Variants in LYPLAL1 observed in about 807,000 individuals in gnomAD.
The protein encoded by LYPLAL1 is lysophospholipase-like protein 1.
Under a neutral mutation model 19.7 loss-of-function variants are expected in LYPLAL1, and 23 were observed. The observed-to-expected ratio is 1.17, with a 90% CI of 0.84 to 1.65. The LOEUF is 1.65. Ranked by LOEUF, LYPLAL1 falls within the 40% of genes most tolerant of loss-of-function variation. The pLI is 0.00. For missense variants in LYPLAL1, 355 were observed against 279.4 expected (o/e 1.27, Z -1.93); for synonymous variants, 119 against 96.3 (o/e 1.24, Z -1.38).
chr1:219,259,482 C>T, the LYPLAL1 span, among the ~76,000 whole-genome samples: 14 of 150,412 alleles, frequency 9.3e-5, no homozygotes, highest in Non-Finnish European at 1.9e-4. Flanking sequence ...GAGATAATGG[C>T]ATTTAGGCAA....
At chr1:219,419,548 A>AACACAC in the LYPLAL1 span, among the ~76,000 whole-genome samples, 487 of 97,800 alleles carry the variant, frequency 5.0e-3, 12 homozygotes, top group African/African-American at 0.014. Flanking sequence ...GCCCTAGCCC[A>AACACAC]ACACACACAC....
chr1:219,233,494 A>C, the LYPLAL1 span, among the ~76,000 whole-genome samples: 2 of 152,218 alleles, frequency 1.3e-5, no homozygotes, highest in Admixed American at 6.5e-5. Context: ...TTGGCCAAGC[A>C]TGCTGGCTCA....
At chr1:219,229,360 G>T in the LYPLAL1 span, among the ~76,000 whole-genome samples, 1 of 149,314 alleles carries the variant, frequency 6.7e-6, no homozygotes, top group African/African-American at 2.5e-5. Context: ...CCGAACAGCA[G>T]AACCACGCAG....
chr1:219,188,307 G>A (rs1656883672), intron 2 of LYPLAL1, among the ~76,000 whole-genome samples: 1 of 151,830 alleles, frequency 6.6e-6, no homozygotes, highest in Non-Finnish European at 1.5e-5. Context: ...ATATGTGTGT[G>A]TTGCAGGGTA....
chr1:219,336,456 A>G, the LYPLAL1 span, among the ~76,000 whole-genome samples: 1 of 151,904 alleles, frequency 6.6e-6, no homozygotes, highest in Non-Finnish European at 1.5e-5. Context: ...TTAAGACAGT[A>G]CCTGGGATAT....
At chr1:219,249,348 GT>G in the LYPLAL1 span, among the ~76,000 whole-genome samples, 1 of 151,972 alleles carries the variant, frequency 6.6e-6, no homozygotes, top group African/African-American at 2.4e-5. Context: ...TCAACATTAT[GT>G]TTAAAGATTC....
chr1:219,239,516 T>G, the LYPLAL1 span, among the ~76,000 whole-genome samples: 3 of 152,342 alleles, frequency 2.0e-5, no homozygotes, highest in African/African-American at 7.2e-5. Context: ...TATCGGGATA[T>G]AGAGAAAAAT....
chr1:219,321,012 C>A, the LYPLAL1 span, among the ~76,000 whole-genome samples: 1 of 152,158 alleles, frequency 6.6e-6, no homozygotes, highest in East Asian at 1.9e-4. Context: ...TGAAGAATCA[C>A]CACACTGTCT....
chr1:219,335,900 C>T, the LYPLAL1 span, among the ~76,000 whole-genome samples: 1 of 151,424 alleles, frequency 6.6e-6, no homozygotes, highest in African/African-American at 2.4e-5. Flanking sequence ...TGAGCAGGGG[C>T]ATAGAAGAGT....
the LYPLAL1 span, among the ~76,000 whole-genome samples, chr1:219,417,437 T>C: frequency 6.6e-6 from 1 of 152,304 alleles, no homozygotes; most frequent in Admixed American, 6.5e-5. Context: ...GTAGCAAAGA[T>C]CATTTAAAAT....
At chr1:219,187,360 GC>G (rs1218065641) in intron 2 of LYPLAL1, among the ~76,000 whole-genome samples, 5 of 151,324 alleles carry the variant, frequency 3.3e-5, no homozygotes, top group African/African-American at 1.2e-4. Flanking sequence ...GTAAAAGTCA[GC>G]AATTAGTTTG....
chr1:219,292,641 C>T, the LYPLAL1 span, among the ~76,000 whole-genome samples: 13 of 152,198 alleles, frequency 8.5e-5, no homozygotes, highest in South Asian at 4.1e-4. Flanking sequence ...CTACATCCAG[C>T]TGATTTAAAA....
chr1:219,382,028 G>T, the LYPLAL1 span, among the ~76,000 whole-genome samples: 1 of 152,184 alleles, frequency 6.6e-6, no homozygotes, highest in African/African-American at 2.4e-5. Context: ...ATGTTTAGAT[G>T]ATCTTTCCTT....
rs150664253 is a variant in LYPLAL1 at position 219,177,579 on chromosome 1, C to T, written c.92-1568C>T. The stretch of plus-strand genomic sequence containing the variant: ...TAGGCAGGTGTCTAGTATTGTTCAC[C>T]CAGTTACTCCGGCCAAAAGCCTGTT... On this transcript the variant is annotated intron_variant, in intron 1 of 4. Transcript: ENST00000366928. Among the ~76,000 whole-genome samples the T allele has an allele frequency of 1.7e-3, 258 of 152,216 alleles. 2 individuals are homozygous for T. Among genetic ancestry groups the T allele is most frequent in the African/African-American group, 5.8e-3 (239 of 41,536 alleles).
chr1:219,349,167 C>CAAAT, the LYPLAL1 span, among the ~76,000 whole-genome samples: 2 of 152,200 alleles, frequency 1.3e-5, no homozygotes, highest in African/African-American at 4.8e-5. Context: ...TGACTACATA[C>CAAAT]AAATAATTGA....
the LYPLAL1 span, among the ~76,000 whole-genome samples, chr1:219,420,806 A>G: frequency 6.6e-6 from 1 of 152,280 alleles, no homozygotes; most frequent in African/African-American, 2.4e-5. Flanking sequence ...ATTTTTTTCT[A>G]ACTACCCCAT....
the LYPLAL1 span, among the ~76,000 whole-genome samples, chr1:219,371,055 C>G: frequency 6.6e-6 from 1 of 152,128 alleles, no homozygotes; most frequent in Non-Finnish European, 1.5e-5. Flanking sequence ...GCCATATCAT[C>G]GTAGTTATAT....
chr1:219,389,780 T>A, the LYPLAL1 span, among the ~76,000 whole-genome samples: 2,425 of 152,294 alleles, frequency 0.016, 70 homozygotes, highest in African/African-American at 0.054. Context: ...TGCCATTACT[T>A]TTAGTGGCAA....
the LYPLAL1 span, among the ~76,000 whole-genome samples, chr1:219,281,927 G>C: frequency 6.6e-6 from 1 of 152,142 alleles, no homozygotes; most frequent in East Asian, 1.9e-4. Flanking sequence ...TCTGCTCATA[G>C]GTACAGTAGT....
Sources: gnomAD v4.1 joint callset for allele counts (sites outside exome capture counted in the v4.1 genomes callset) on GRCh38, gnomAD v4.1.1 for gene constraint, MANE v1.5 for transcripts, NCBI Gene and HGNC (gene_info 2026-07-23, HGNC 2026-07-21) for gene names.